The following CTTNBP2 variants were observed in gnomAD, a reference collection of about 807,000 sequenced individuals.
CTTNBP2 encodes cortactin binding protein 2, also known as cortactin-binding protein 2.
Under a neutral mutation model 156.9 loss-of-function variants are expected in CTTNBP2, and 108 were observed. The observed-to-expected ratio is 0.69, with a 90% CI of 0.59 to 0.81. CTTNBP2 has a LOEUF of 0.81. Ranked by LOEUF, CTTNBP2 falls within the 30% of genes least tolerant of loss-of-function variation. The probability of loss-of-function intolerance (pLI) is 0.00; values close to 1 mark genes in which losing one functional copy is unlikely to be tolerated. For missense variants in CTTNBP2, 1,924 were observed against 2,035.4 expected, an observed-to-expected ratio of 0.95 and a Z score of 1.05; for synonymous variants, 767 against 751.8, an observed-to-expected ratio of 1.02 and a Z score of -0.33.
intron 3 of CTTNBP2, among the ~76,000 whole-genome samples, chr7:117,801,555 G>A (rs937296387): frequency 3.9e-5 from 6 of 152,198 alleles, no homozygotes; most frequent in Admixed American, 2.6e-4. Context: ...AAATGAATAT[G>A]TGGATTAGAA....
At chr7:117,799,990 G>A (rs1173523132) in intron 3 of CTTNBP2, among the ~76,000 whole-genome samples, 3 of 152,006 alleles carry the variant, frequency 2.0e-5, no homozygotes, top group African/African-American at 7.2e-5. Flanking sequence ...ATGTTGCTAA[G>A]AGATTAAAGA....
chr7:117,748,413 T>C (rs1796452449), intron 12 of CTTNBP2, among the ~76,000 whole-genome samples: 1 of 152,186 alleles, frequency 6.6e-6, no homozygotes. Context: ...ATTTCTCCTC[T>C]TCTAGTTCTC....
At chr7:117,844,265 T>G (rs1272735336) in intron 2 of CTTNBP2, among the ~76,000 whole-genome samples, 1 of 152,160 alleles carries the variant, frequency 6.6e-6, no homozygotes, top group Non-Finnish European at 1.5e-5. Context: ...CCTCCAGAAC[T>G]GTTAAGATAA....
intron 2 of CTTNBP2, among the ~76,000 whole-genome samples, chr7:117,819,979 T>A (rs960441676): frequency 6.6e-6 from 1 of 152,220 alleles, no homozygotes; most frequent in African/African-American, 2.4e-5. Flanking sequence ...AAAGGCTTGG[T>A]TGCACAGAAG....
At chr7:117,745,966 C>G (rs755182994) in intron 13 of CTTNBP2, 36 bp from the exon 14 acceptor site, 1 of 1,610,236 alleles carries the variant, frequency 6.2e-7, no homozygotes, top group African/African-American at 1.3e-5. Context: ...GTTCTACGCA[C>G]TTGCCAATTT....
intron 7 of CTTNBP2, among the ~76,000 whole-genome samples, chr7:117,779,139 G>A (rs944410525): frequency 2.3e-4 from 35 of 152,246 alleles, no homozygotes; most frequent in African/African-American, 7.9e-4. Context: ...AGACTATGGA[G>A]CTTCAATCAG....
At chr7:117,873,190 A>C (rs1804747309) in intron 1 of CTTNBP2, 145 bp downstream of exon 1, 19 of 573,682 alleles carry the variant, frequency 3.3e-5, no homozygotes, top group Non-Finnish European at 4.7e-5. Flanking sequence ...CATCCCGAGG[A>C]AGGGGGGCCC....
chr7:117,870,100 G>C (rs1463850706), intron 1 of CTTNBP2, among the ~76,000 whole-genome samples: 1 of 152,164 alleles, frequency 6.6e-6, no homozygotes, highest in Non-Finnish European at 1.5e-5. Flanking sequence ...CTCTATGACT[G>C]TTCCTCTCCA....
At chr7:117,719,382 G>C (rs1221427888) in intron 21 of CTTNBP2, 122 bp downstream of exon 21, 1 of 899,486 alleles carries the variant, frequency 1.1e-6, no homozygotes, top group Non-Finnish European at 1.6e-6. Flanking sequence ...GGTGAGGGAT[G>C]GTTTGATTTG....
rs1187542807 is a variant in CTTNBP2 at position 117,728,359 on chromosome 7, A to C, written c.3877-92T>G. On this transcript the variant is annotated intron_variant, in intron 16 of 22. Coordinates refer to ENST00000160373, the MANE Select transcript of CTTNBP2 (RefSeq NM_033427.3). ...TTAAAAATATAAAACTTTAAATCAAAATTGAAAAGTAGCTGAATCTTATTT... is the reference window on the plus strand; with the variant it reads ...TTAAAAATATAAAACTTTAAATCAACATTGAAAAGTAGCTGAATCTTATTT... The C allele has an allele frequency of 3.2e-6, 3 of 924,410 alleles. No individual in the cohort carries two copies. In the East Asian group the frequency reaches 7.5e-5, roughly 23 times the overall value. The allele number at this position is 924,410 out of a possible 1,614,324, so 57.3% of individuals were successfully genotyped here.
intron 5 of CTTNBP2, among the ~76,000 whole-genome samples, chr7:117,783,806 C>T (rs10487375): frequency 0.1 from 15,361 of 152,064 alleles, 1,168 homozygotes; most frequent in African/African-American, 0.21. Context: ...CATCGATATA[C>T]CATTTATAGT....
intron 16 of CTTNBP2, among the ~76,000 whole-genome samples, chr7:117,730,195 C>T (rs1236442567): frequency 6.6e-6 from 1 of 152,130 alleles, no homozygotes; most frequent in Non-Finnish European, 1.5e-5. Flanking sequence ...TCTGCCCAGA[C>T]CCCCTGCTTC....
At chr7:117,845,232 A>C (rs1293497471) in intron 2 of CTTNBP2, among the ~76,000 whole-genome samples, 2 of 152,204 alleles carry the variant, frequency 1.3e-5, no homozygotes, top group Admixed American at 6.5e-5. Flanking sequence ...AAGAGGAGTA[A>C]GGAGATGTCC....
chr7:117,870,481 A>C (rs1804511793), intron 1 of CTTNBP2, among the ~76,000 whole-genome samples: 1 of 152,236 alleles, frequency 6.6e-6, no homozygotes, highest in Non-Finnish European at 1.5e-5. Context: ...GTGCATTTTA[A>C]ATCATTGTCC....
intron 8 of CTTNBP2, among the ~76,000 whole-genome samples, chr7:117,770,852 T>G (rs1430173157): frequency 6.6e-6 from 1 of 152,008 alleles, no homozygotes; most frequent in African/African-American, 2.4e-5. Context: ...GGAAATAGAG[T>G]CCCGGGGGCC....
intron 2 of CTTNBP2, among the ~76,000 whole-genome samples, chr7:117,841,806 G>A (rs1167305369): frequency 1.3e-5 from 2 of 152,142 alleles, no homozygotes; most frequent in Non-Finnish European, 2.9e-5. Flanking sequence ...CATGATGGCT[G>A]AAAAATGATG....
chr7:117,720,018 T>C (rs1380654943), intron 20 of CTTNBP2, among the ~76,000 whole-genome samples: 2 of 152,184 alleles, frequency 1.3e-5, no homozygotes, highest in Non-Finnish European at 2.9e-5. Flanking sequence ...AATATGACCA[T>C]GCACCAGGTT....
intron 2 of CTTNBP2, among the ~76,000 whole-genome samples, chr7:117,841,103 C>A (rs1802245151): frequency 6.6e-6 from 1 of 151,970 alleles, no homozygotes; most frequent in Non-Finnish European, 1.5e-5. Context: ...GGGAAAAAAG[C>A]ACTATATTTT....
chr7:117,760,524 C>A lies in CTTNBP2; in HGVS notation c.3083G>T (p.Gly1028Val). 6.2e-7 allele frequency: 1 copy of A among 1,614,126 alleles called. No homozygotes were observed. ...TNHFQAISSDGWWSLEDVTCN... is the reference protein window; with the variant it reads ...TNHFQAISSDVWWSLEDVTCN... ...AGTCACGTCTTCCAGACTCCACCAT[C>A]CATCAGAAGAGATTGCCTGGAAATG... The change falls in exon 10 of 23, where the codon GGA (glycine) becomes GTA (valine). Residue 1028 changes from glycine to valine, a missense_variant. Gly to Val is a moderately radical substitution (Grantham distance 109). Coordinates refer to ENST00000160373, the MANE Select transcript of CTTNBP2 (RefSeq NM_033427.3).
Sources: allele counts gnomAD v4.1 joint callset (sites outside exome capture counted in the v4.1 genomes callset), GRCh38; gene constraint gnomAD v4.1.1; transcripts MANE v1.5; gene names NCBI Gene and HGNC (gene_info 2026-07-23, HGNC 2026-07-21).